The following PPIP5K2 variants were observed in gnomAD, a reference collection of about 807,000 sequenced individuals.
The protein encoded by PPIP5K2 is diphosphoinositol pentakisphosphate kinase 2.
PPIP5K2 carries 105 observed loss-of-function variants against 154.6 expected under a neutral mutation model. The observed-to-expected ratio is 0.68, with a 90% CI of 0.58 to 0.80. The LOEUF (loss-of-function observed/expected upper bound fraction) is 0.80. Ranked by LOEUF, PPIP5K2 falls within the 30% of genes least tolerant of loss-of-function variation. The probability of loss-of-function intolerance (pLI) is 0.00; values close to 1 mark genes in which losing one functional copy is unlikely to be tolerated. For synonymous variants in PPIP5K2, 480 were observed against 490.3 expected (o/e 0.98, Z 0.28); for missense variants, 992 against 1,504.6 (o/e 0.66, Z 5.64).
rs1314355191 is a variant in PPIP5K2, at chr5:103,187,357, T to G, written c.3333T>G (p.Phe1111Leu). ...GSAVKRFSIS[F>L]ARHPTNGFEL... ...CTGTTAAAAGGTTTTCTATCTCATT[T>G]GCTCGACACCCAACCAATGGTACGT... Residue 1111 changes from phenylalanine to leucine, a missense_variant, in exon 28 of 31, where the codon TTT becomes TTG. This residue lies in a region of PPIP5K2 where 29 missense variants were observed against 56.4 expected (regional missense o/e 0.51). Transcript: ENST00000358359. The G allele has an allele frequency of 6.5e-7, 1 of 1,534,984 alleles. No individual in the cohort carries two copies. The highest frequency in any genetic ancestry group is 8.7e-7 in the Non-Finnish European group (1 of 1,145,942).
At chr5:103,141,287 T>C (rs144896831) in intron 5 of PPIP5K2, among the ~76,000 whole-genome samples, 6,440 of 152,110 alleles carry the variant, frequency 0.042, 446 homozygotes, top group African/African-American at 0.15. Context: ...GATGTTCAGA[T>C]GTGTTTGGAG....
rs1393613362 is a variant in PPIP5K2, at chr5:103,204,660, T to C, written c.*3026T>C. The C allele has an allele frequency of 6.6e-6, 1 of 152,032 alleles. No individual in the cohort carries two copies. Among genetic ancestry groups the C allele is most frequent in the Non-Finnish European group, 1.5e-5 (1 of 67,978 alleles). 9.4% of individuals were successfully genotyped at this position (152,032 alleles called of 1,614,324 possible). A position where few individuals can be genotyped will look rare whatever the true frequency, so the allele number is the denominator to read the frequency against. ...CAGAAGGAGTCATTTGTGATTGGAGTCCACATAGAAACAGGTTTCCCTCTG... is the reference window on the plus strand; with the variant it reads ...CAGAAGGAGTCATTTGTGATTGGAGCCCACATAGAAACAGGTTTCCCTCTG... On this transcript the variant is annotated 3_prime_UTR_variant, in exon 31 of 31. Coordinates refer to ENST00000358359, the MANE Select transcript of PPIP5K2 (RefSeq NM_001276277.3).
At chr5:103,147,882 G>T in intron 6 of PPIP5K2, 49 bp from the exon 7 acceptor site, 1 of 1,052,362 alleles carries the variant, frequency 9.5e-7, no homozygotes, top group South Asian at 1.4e-5. Context: ...TCATAAAAAT[G>T]AGGGAAATAA....
rs373195670 is a variant in PPIP5K2, at chr5:103,183,313, G to C, written c.3002G>C (p.Arg1001Pro). The C allele has an allele frequency of 6.2e-7, 1 of 1,604,256 alleles. No individual in the cohort carries two copies. The highest frequency in any genetic ancestry group is 1.1e-5 in the South Asian group (1 of 90,164). ...LHYTSGVGTG[R>P]RRRRSGEQIT... ...TATACCAGTGGTGTGGGTACTGGGC[G>C]TCGAAGACGCAGATCAGGGGAACAA... The change falls in exon 25 of 31, where the codon CGT becomes CCT. Residue 1001 changes from arginine to proline, a missense_variant. Coordinates refer to ENST00000358359, the MANE Select transcript of PPIP5K2 (RefSeq NM_001276277.3).
Position 103,158,284 on chromosome 5 carries a change from C to G in PPIP5K2, c.1586C>G (p.Ala529Gly). The G allele has an allele frequency of 1.2e-6, 2 of 1,613,986 alleles. No homozygotes were observed. Among genetic ancestry groups the G allele is most frequent in the African/African-American group, 1.3e-5 (1 of 75,054 alleles). Residue 529 changes from alanine to glycine, a missense_variant, in exon 15 of 31, where the codon GCC becomes GGC. By Grantham distance (60) the Ala-to-Gly change is moderately conservative. Transcript: ENST00000358359. ...GTCCAGGCTGAAGAACTTGGAAGAG[C>G]CTTCAGGTGTATGTATCCTGGAGGT... Reference protein sequence around the residue: ...GRVQAEELGRAFRCMYPGGQG... With the variant: ...GRVQAEELGRGFRCMYPGGQG...
At chr5:103,124,507 C>T (rs1789315625) in intron 1 of PPIP5K2, among the ~76,000 whole-genome samples, 1 of 152,078 alleles carries the variant, frequency 6.6e-6, no homozygotes, top group South Asian at 2.1e-4. Flanking sequence ...TGATGATGAT[C>T]AAATTACCTG....
At chr5:103,179,681 C>T (rs1428428341) in intron 23 of PPIP5K2, among the ~76,000 whole-genome samples, 2 of 152,032 alleles carry the variant, frequency 1.3e-5, no homozygotes, top group African/African-American at 4.8e-5. Context: ...AAGCTCATCT[C>T]TATTATTTCT....
chr5:103,120,493 G>A lies in PPIP5K2; in HGVS notation c.-285+5G>A, dbSNP rs1788462155. 3 of 456,556 alleles carry A rather than the reference G, an allele frequency of 6.6e-6. No individual in the cohort carries two copies. The highest frequency in any genetic ancestry group is 1.3e-5 in the Non-Finnish European group (3 of 226,968). The allele number at this position is 456,556 out of a possible 1,614,324, so 28.3% of individuals were successfully genotyped here. A position where few individuals can be genotyped will look rare whatever the true frequency, so the allele number is the denominator to read the frequency against. ...TGACGACCGCATTCGTGGCAGGTGA[G>A]GGCCCAAAACCGGAGGAGAACCGGA... On this transcript the variant is annotated splice_donor_5th_base_variant and intron_variant, in intron 1 of 30. Transcript: ENST00000358359.
intron 17 of PPIP5K2, 89 bp from the exon 18 acceptor site, chr5:103,167,090 C>T: frequency 9.8e-7 from 1 of 1,016,592 alleles, no homozygotes; most frequent in Non-Finnish European, 1.4e-6. Flanking sequence ...AATTATTCTC[C>T]AGCTACTGGA....
intron 18 of PPIP5K2, 125 bp from the exon 19 acceptor site, chr5:103,167,947 T>TA: frequency 1.7e-6 from 1 of 594,572 alleles, no homozygotes; most frequent in Non-Finnish European, 2.8e-6. Context: ...ATGCCTAAAG[T>TA]AACTCTCTAA....
rs1554232495 is a variant in PPIP5K2 at position 103,209,919 on chromosome 5, T to C, written c.*8285T>C. The C allele has an allele frequency of 6.6e-6, 1 of 152,066 alleles. No homozygotes were observed. The allele number at this position is 152,066 out of a possible 1,614,324, so 9.4% of individuals were successfully genotyped here. A position where few individuals can be genotyped will look rare whatever the true frequency, so the allele number is the denominator to read the frequency against. ...ATTACGACTTTTTTTTCATGCCACATAGATATGCTGATTTGTCCAACAATG... is the reference window on the plus strand; with the variant it reads ...ATTACGACTTTTTTTTCATGCCACACAGATATGCTGATTTGTCCAACAATG... On this transcript the variant is annotated 3_prime_UTR_variant, in exon 31 of 31. Transcript: ENST00000358359.
In PPIP5K2 at chr5:103,212,638, C is replaced by G. The variant is rs1307049691; in HGVS notation, c.*11004C>G. On this transcript the variant is annotated 3_prime_UTR_variant, in exon 31 of 31. Coordinates refer to ENST00000358359, the MANE Select transcript of PPIP5K2 (RefSeq NM_001276277.3). ...ACTCTCTTAGATTTTTCATAAAATGCTAATAGAATCCCAAAGGAAGTGTGT... is the reference window on the plus strand; with the variant it reads ...ACTCTCTTAGATTTTTCATAAAATGGTAATAGAATCCCAAAGGAAGTGTGT... The G allele has an allele frequency of 2.0e-5, 3 of 151,958 alleles. No homozygotes were observed. Among genetic ancestry groups the G allele is most frequent in the African/African-American group, 7.2e-5 (3 of 41,406 alleles). The allele number at this position is 151,958 out of a possible 1,614,324, so 9.4% of individuals were successfully genotyped here.
intron 1 of PPIP5K2, 112 bp downstream of exon 1, chr5:103,120,600 A>C (rs26524): frequency 2.3e-6 from 1 of 435,546 alleles, no homozygotes; most frequent in South Asian, 1.6e-5. Flanking sequence ...CCCTAAACAC[A>C]TGCTCCACCG....
rs1554225492 is a variant in PPIP5K2 at position 103,187,351 on chromosome 5, CT to C, written c.3328del (p.Ser1110HisfsTer22). 2 of 1,535,238 alleles carry C rather than the reference CT, an allele frequency of 1.3e-6. No individual in the cohort carries two copies. Among genetic ancestry groups the C allele is most frequent in the Non-Finnish European group, 1.7e-6 (2 of 1,146,146 alleles). On this transcript the variant is annotated frameshift_variant, in exon 28 of 31. Transcript: ENST00000358359. LOFTEE classifies it high-confidence loss of function. The stretch of plus-strand genomic sequence containing the variant: ...GTTCTGCTGTTAAAAGGTTTTCTAT[CT>C]CATTTGCTCGACACCCAACCAATGG... ...RGSAVKRFSI[S>X]FARHPTNGFE...
intron 5 of PPIP5K2, among the ~76,000 whole-genome samples, chr5:103,140,231 G>A (rs1320639204): frequency 6.6e-6 from 1 of 151,462 alleles, no homozygotes; most frequent in Non-Finnish European, 1.5e-5. Context: ...CATAGATCAT[G>A]GTAGAAAGTT....
intron 1 of PPIP5K2, among the ~76,000 whole-genome samples, 170 bp from the exon 2 acceptor site, chr5:103,129,136 A>T (rs1790207576): frequency 1.3e-5 from 2 of 152,070 alleles, no homozygotes; most frequent in South Asian, 4.2e-4. Flanking sequence ...TAGTTTCTTA[A>T]TTTTTTTGCT....
At chr5:103,146,000 A>G (rs1369013126) in intron 5 of PPIP5K2, among the ~76,000 whole-genome samples, 3 of 152,100 alleles carry the variant, frequency 2.0e-5, no homozygotes, top group Admixed American at 6.5e-5. Context: ...ACAAAAATAT[A>G]TACAACTACT....
At chr5:103,134,389 C>G (rs949748866) in intron 3 of PPIP5K2, among the ~76,000 whole-genome samples, 1 of 152,216 alleles carries the variant, frequency 6.6e-6, no homozygotes, top group South Asian at 2.1e-4. Context: ...AAAAGATGTG[C>G]TCTCAGTTGT....
intron 26 of PPIP5K2, among the ~76,000 whole-genome samples, chr5:103,185,430 T>C (rs1314637525): frequency 6.6e-6 from 1 of 152,170 alleles, no homozygotes; most frequent in Non-Finnish European, 1.5e-5. Context: ...TACTGTGATC[T>C]CTGTACTAAG....
Sources: allele counts gnomAD v4.1 joint callset (sites outside exome capture counted in the v4.1 genomes callset), GRCh38; gene constraint gnomAD v4.1.1; regional missense constraint gnomAD v4.1.1; transcripts MANE v1.5; gene names NCBI Gene and HGNC (gene_info 2026-07-23, HGNC 2026-07-21).